ITGA4: variants seen among roughly 807,000 people sequenced by gnomAD.
ITGA4 encodes integrin subunit alpha 4.
A neutral mutation model predicts 133.6 loss-of-function variants in ITGA4; 63 were observed. That is an observed-to-expected ratio of 0.47 (90% CI 0.38 to 0.58). The LOEUF (loss-of-function observed/expected upper bound fraction) is 0.58, where lower values mean the gene tolerates loss of function less well. ITGA4 is among the 20% of genes least tolerant of loss of function. The pLI is 0.00. For synonymous variants in ITGA4, 483 were observed against 438.0 expected (o/e 1.10, Z -1.28); for missense variants, 1,076 against 1,252.7 (o/e 0.86, Z 2.13).
intron 22 of ITGA4, among the ~76,000 whole-genome samples, chr2:181,528,440 T>C (rs948689356): frequency 1.3e-5 from 2 of 152,266 alleles, no homozygotes; most frequent in Non-Finnish European, 2.9e-5. Context: ...TATTTTCTAC[T>C]AAATGTATAA....
chr2:181,500,642 C>T (rs1260445741), intron 15 of ITGA4, among the ~76,000 whole-genome samples: 1 of 152,106 alleles, frequency 6.6e-6, no homozygotes, highest in African/African-American at 2.4e-5. Context: ...TGAAGTGGCA[C>T]TTGTTAATTA....
chr2:181,525,149 CTG>C, intron 20 of ITGA4, 51 bp from the exon 21 acceptor site: 1 of 1,024,624 alleles, frequency 9.8e-7, no homozygotes, highest in Non-Finnish European at 1.5e-6. Context: ...TTAGTTCTCT[CTG>C]AAGATTTTTC....
intron 17 of ITGA4, among the ~76,000 whole-genome samples, chr2:181,519,470 AAAAG>A (rs1686673831): frequency 6.6e-6 from 1 of 152,292 alleles, no homozygotes; most frequent in African/African-American, 2.4e-5. Context: ...AAAATAGAAA[AAAAG>A]AGGAAGAATT....
Position 181,495,308 on chromosome 2 carries a change from G to A in ITGA4, c.1340-63G>A. On this transcript the variant is annotated intron_variant, in intron 12 of 27. Coordinates refer to ENST00000397033, the MANE Select transcript of ITGA4 (RefSeq NM_000885.6). The surrounding 1 kb of genome is among the most constrained non-coding windows in gnomAD (Gnocchi z 4.3). ...GGTGATACGTAGTTAAGTATTTATG[G>A]CTGAAAAATAATTCTCTTTGACTAA... 1 of 1,261,474 alleles carries A rather than the reference G, an allele frequency of 7.9e-7. No homozygotes were observed. Among genetic ancestry groups the A allele is most frequent in the Non-Finnish European group, 1.2e-6 (1 of 859,578 alleles). The allele number at this position is 1,261,474 out of a possible 1,614,324, so 78.1% of individuals were successfully genotyped here. A position where few individuals can be genotyped will look rare whatever the true frequency, so the allele number is the denominator to read the frequency against.
rs773554433 is a variant in ITGA4, at chr2:181,534,389, C to T, written c.2883+19C>T. 2.3e-6 allele frequency: 3 copies of T among 1,298,018 alleles called. No individual in the cohort carries two copies. Among genetic ancestry groups the T allele is most frequent in the Non-Finnish European group, 3.4e-6 (3 of 895,110 alleles). 80.4% of individuals were successfully genotyped at this position (1,298,018 alleles called of 1,614,324 possible). A position where few individuals can be genotyped will look rare whatever the true frequency, so the allele number is the denominator to read the frequency against. ...TGCGCATGTAAGATTACCCTCTTAACTGCTACATTAAAATTATAGGAAAAC... is the reference window on the plus strand; with the variant it reads ...TGCGCATGTAAGATTACCCTCTTAATTGCTACATTAAAATTATAGGAAAAC... On this transcript the variant is annotated intron_variant, in intron 26 of 27. Transcript: ENST00000397033.
At chr2:181,534,781 T>G in intron 26 of ITGA4, 35 bp from the exon 27 acceptor site, 1 of 1,547,696 alleles carries the variant, frequency 6.5e-7, no homozygotes, top group East Asian at 2.3e-5. Flanking sequence ...TTTTTTTTTT[T>G]GGTTTTTGAG....
In ITGA4 at chr2:181,522,305, A is replaced by C. The variant is rs55811963; in HGVS notation, c.2037A>C (p.Leu679=). Residue 679 remains leucine, a synonymous_variant, in exon 18 of 28, where the codon CTA becomes CTC. Transcript: ENST00000397033. ...DAYETTLHVK[L]PVGLYFIKIL... is the part of the protein sequence containing the mutation. The stretch of plus-strand genomic sequence containing the variant: ...ATGAAACGACTCTACATGTCAAACT[A>C]CCCGTGGGTCTTTATTTCATTAAGA... 2.4e-4 allele frequency: 379 copies of C among 1,609,112 alleles called. 1 individual carries two copies. The Admixed American group carries it at 3.1e-3, about 13-fold the overall frequency.
chr2:181,504,219 G>A (rs11689738), intron 15 of ITGA4, among the ~76,000 whole-genome samples: 37,560 of 151,830 alleles, frequency 0.25, 5,190 homozygotes, highest in Non-Finnish European at 0.31. Flanking sequence ...AGTGGCCTTC[G>A]CATGTTTTAT....
In ITGA4 at chr2:181,522,266, T is replaced by C; in HGVS notation, c.1998T>C (p.Ala666=). The change falls in exon 18 of 28, where the codon GCT becomes GCC. Residue 666 remains alanine, a synonymous_variant. Coordinates refer to ENST00000397033, the MANE Select transcript of ITGA4 (RefSeq NM_000885.6). ...TGTTGAATGTGTCCTTGTTTAATGC[T>C]GGAGATGATGCATATGAAACGACTC... The part of the protein sequence containing the change: ...TLMLNVSLFN[A]GDDAYETTLH... The C allele has an allele frequency of 6.2e-7, 1 of 1,605,078 alleles. No homozygotes were observed. The highest frequency in any genetic ancestry group is 8.5e-7 in the Non-Finnish European group (1 of 1,172,352).
rs1686135977 is a variant in ITGA4 at position 181,495,336 on chromosome 2, A to G, written c.1340-35A>G. 4 of 1,538,270 alleles carry G rather than the reference A, an allele frequency of 2.6e-6. No individual in the cohort carries two copies. In the East Asian group the frequency reaches 9.0e-5, roughly 35 times the overall value. On this transcript the variant is annotated intron_variant, in intron 12 of 27. Transcript: ENST00000397033. The surrounding 1 kb of genome is among the most constrained non-coding windows in gnomAD (Gnocchi z 4.3). ...GAAAAATAATTCTCTTTGACTAATG[A>G]TGATCATTAATCTGTGTTGTTTTTT...
intron 2 of ITGA4, among the ~76,000 whole-genome samples, chr2:181,462,664 T>A (rs1325759275): frequency 1.3e-5 from 2 of 152,172 alleles, no homozygotes; most frequent in African/African-American, 4.8e-5. Context: ...TAATAAACTA[T>A]CAGGTTACCA....
intron 2 of ITGA4, among the ~76,000 whole-genome samples, chr2:181,471,884 T>A (rs957993637): frequency 1.3e-5 from 2 of 152,114 alleles, no homozygotes; most frequent in Admixed American, 6.5e-5. Flanking sequence ...ATTTTTAGCC[T>A]AGAACAAGAA....
chr2:181,501,906 AAT>A (rs1402217997), intron 15 of ITGA4, among the ~76,000 whole-genome samples: 1 of 152,100 alleles, frequency 6.6e-6, no homozygotes, highest in African/African-American at 2.4e-5. Context: ...AAGGTAACTT[AAT>A]ATATCTTTGG....
intron 2 of ITGA4, among the ~76,000 whole-genome samples, chr2:181,460,566 A>AATGTGTGTGTAT (rs79689303): frequency 5.4e-5 from 8 of 148,068 alleles, no homozygotes; most frequent in African/African-American, 1.7e-4. Context: ...TCTGTAGAAG[A>AATGTGTGTGTAT]GTGTGTGTGT....
At chr2:181,490,462 T>C (rs987304064) in intron 10 of ITGA4, among the ~76,000 whole-genome samples, 36 of 151,164 alleles carry the variant, frequency 2.4e-4, no homozygotes, top group African/African-American at 8.5e-4. Flanking sequence ...TTCATTTTTT[T>C]TTTTTATGGC....
At chr2:181,487,229 A>G (rs1685943173) in intron 10 of ITGA4, among the ~76,000 whole-genome samples, 1 of 152,076 alleles carries the variant, frequency 6.6e-6, no homozygotes, top group Middle Eastern at 3.2e-3. Flanking sequence ...GCTTCCCCCT[A>G]CTTCCCTTAC....
Position 181,481,647 on chromosome 2 carries a change from A to G in ITGA4, c.804A>G (p.Val268=). The change falls in exon 7 of 28, where the codon GTA becomes GTG. Residue 268 remains valine, a synonymous_variant. Coordinates refer to ENST00000397033, the MANE Select transcript of ITGA4 (RefSeq NM_000885.6). ...GHFRSQHTTE[V]VGGAPQHEQI... ...TTCGGAGCCAGCATACTACCGAAGTAGTCGGAGGAGCTCCTCAACATGAGC... is the reference window on the plus strand; with the variant it reads ...TTCGGAGCCAGCATACTACCGAAGTGGTCGGAGGAGCTCCTCAACATGAGC... 6.3e-7 allele frequency: 1 copy of G among 1,599,576 alleles called. No homozygotes were observed. Among genetic ancestry groups the G allele is most frequent in the Non-Finnish European group, 8.6e-7 (1 of 1,168,966 alleles).
rs574931186 is a variant in ITGA4 at position 181,516,675 on chromosome 2, A to C, written c.1922+4900A>C. Among the ~76,000 whole-genome samples, 2 of 151,986 alleles carry C rather than the reference A, an allele frequency of 1.3e-5. No homozygotes were observed. The highest frequency in any genetic ancestry group is 4.8e-5 in the African/African-American group (2 of 41,414). On this transcript the variant is annotated intron_variant, in intron 17 of 27. Coordinates refer to ENST00000397033, the MANE Select transcript of ITGA4 (RefSeq NM_000885.6). The surrounding 1 kb of genome is among the most constrained non-coding windows in gnomAD (Gnocchi z 4.0). ...TTGATCCTGAATCAATTATTTTGTT[A>C]TTGTGATACATTCTCTGGAGTTGAA... is the stretch of plus-strand genomic sequence containing the variant.
chr2:181,476,667 C>A (rs1344296707), intron 4 of ITGA4, among the ~76,000 whole-genome samples: 2 of 152,104 alleles, frequency 1.3e-5, no homozygotes, highest in Non-Finnish European at 2.9e-5. Flanking sequence ...TAAGAAAGGA[C>A]ACTCTCTTCA....
Sources: allele counts gnomAD v4.1 joint callset (sites outside exome capture counted in the v4.1 genomes callset), GRCh38; gene constraint gnomAD v4.1.1; non-coding constraint Gnocchi (gnomAD v3.1); transcripts MANE v1.5; gene names NCBI Gene and HGNC (gene_info 2026-07-23, HGNC 2026-07-21).